Variants in ITGA2B observed in about 807,000 individuals in gnomAD.
The protein encoded by ITGA2B is integrin alpha-IIb.
A neutral mutation model predicts 142.0 loss-of-function variants in ITGA2B; 91 were observed. That is an observed-to-expected ratio of 0.64 (90% CI 0.54 to 0.76). The LOEUF is 0.76. ITGA2B is among the 30% of genes least tolerant of loss of function. The probability of loss-of-function intolerance (pLI) is 0.00; values close to 1 mark genes in which losing one functional copy is unlikely to be tolerated. For synonymous variants in ITGA2B, 536 were observed against 567.2 expected (o/e 0.94, Z 0.78); for missense variants, 1,231 against 1,350.8 (o/e 0.91, Z 1.39).
chr17:44,381,432 T>A (rs1437340125), intron 12 of ITGA2B, among the ~76,000 whole-genome samples: 2 of 151,334 alleles, frequency 1.3e-5, no homozygotes, highest in Non-Finnish European at 2.9e-5. Context: ...CCCGTTAAAG[T>A]GATTCTTGTG....
intron 3 of ITGA2B, 37 bp from the exon 4 acceptor site, chr17:44,385,753 A>G (rs1032034452): frequency 1.9e-5 from 31 of 1,613,202 alleles, no homozygotes; most frequent in Non-Finnish European, 2.6e-5. Context: ...CGGGCGCGAG[A>G]CTTGGGCTCC....
In ITGA2B at chr17:44,374,125, C is replaced by G. The variant is rs533838257; in HGVS notation, c.3060+229G>C. ...TTCACCATGTTGGCCAGGCTGGTCT[C>G]GAACTCTTGACCTCAGGTGATCTAA... On this transcript the variant is annotated intron_variant, in intron 29 of 29. Transcript: ENST00000262407. 38 of 530,544 alleles carry G rather than the reference C, an allele frequency of 7.2e-5. No individual in the cohort carries two copies. In the South Asian group the frequency reaches 7.4e-4, roughly 10 times the overall value. 32.9% of individuals were successfully genotyped at this position (530,544 alleles called of 1,614,324 possible).
At chr17:44,384,694 A>T in intron 7 of ITGA2B, 109 bp from the exon 8 acceptor site, 1 of 1,404,110 alleles carries the variant, frequency 7.1e-7, no homozygotes, top group Non-Finnish European at 1.0e-6. Context: ...TGCATTGTGC[A>T]GATGGAAAAA....
Position 44,383,600 on chromosome 17 carries a change from G to A in ITGA2B, c.1103C>T (p.Pro368Leu), listed in dbSNP as rs201917696. The A allele has an allele frequency of 1.9e-6, 3 of 1,610,064 alleles. No individual in the cohort carries two copies. The highest frequency in any genetic ancestry group is 2.5e-6 in the Non-Finnish European group (3 of 1,178,992). The change falls in exon 12 of 30, where the codon CCC becomes CTC. Residue 368 changes from proline (P) to leucine (L), a missense_variant. By Grantham distance (98) the Pro-to-Leu change is moderately conservative. Around this residue, in one of 3 missense-constraint regions of ITGA2B, gnomAD observed 908 missense variants for 1,021.1 expected, o/e 0.89. Coordinates refer to ENST00000262407, the MANE Select transcript of ITGA2B (RefSeq NM_000419.5). Reference protein sequence around the residue: ...RVYLFLQPRGPHALGAPSLLL... With the variant: ...RVYLFLQPRGLHALGAPSLLL... ...GAGGCTGGGGGCACCCAGCGCGTGG[G>A]GGCCTCGCGGCTGCAGGAACAAATA... is the stretch of plus-strand genomic sequence containing the variant.
intron 1 of ITGA2B, among the ~76,000 whole-genome samples, chr17:44,388,162 T>G (rs2048666294): frequency 6.6e-6 from 1 of 152,086 alleles, no homozygotes; most frequent in African/African-American, 2.4e-5. Flanking sequence ...GAGCCAAGAC[T>G]CTAATCTTGG....
chr17:44,383,648 T>A lies in ITGA2B; in HGVS notation c.1055A>T (p.Lys352Ile). ...ATACACACGCCCCACTTCGGCCAGT[T>A]TTCGGTCTGCCCGGCTCTCCATATA... ...PLYMESRADRKLAEVGRVYLF... is the reference protein window; with the variant it reads ...PLYMESRADRILAEVGRVYLF... The change falls in exon 12 of 30, where the codon AAA becomes ATA. Residue 352 changes from lysine to isoleucine, a missense_variant. Lys to Ile is a moderately radical substitution (Grantham distance 102). This residue lies in a region of ITGA2B where 908 missense variants were observed against 1,021.1 expected (regional missense o/e 0.89). Transcript: ENST00000262407. 1 of 1,599,584 alleles carries A rather than the reference T, an allele frequency of 6.3e-7. No homozygotes were observed. Among genetic ancestry groups the A allele is most frequent in the Non-Finnish European group, 8.5e-7 (1 of 1,173,298 alleles).
chr17:44,380,702 C>T (rs746101836), intron 13 of ITGA2B, 57 bp from the exon 14 acceptor site: 4 of 1,611,576 alleles, frequency 2.5e-6, no homozygotes, highest in Non-Finnish European at 3.4e-6. Context: ...ATCCTCATCT[C>T]ATCTTCCCAG....
intron 29 of ITGA2B, 132 bp from the exon 30 acceptor site, chr17:44,372,555 AT>A (rs2048506636): frequency 1.4e-6 from 1 of 703,742 alleles, no homozygotes; most frequent in African/African-American, 1.8e-5. Context: ...GTACTCACAA[AT>A]GGATGCCTTT....
rs2048519510 is a variant in ITGA2B at position 44,374,266 on chromosome 17, G to A, written c.3060+88C>T. On this transcript the variant is annotated intron_variant, in intron 29 of 29. Coordinates refer to ENST00000262407, the MANE Select transcript of ITGA2B (RefSeq NM_000419.5). ...TGGTCCCTGGATTACCCACTTGGGT[G>A]GGCCACCATCTCTCCTTGACTCCCT... 4 of 1,134,938 alleles carry A rather than the reference G, an allele frequency of 3.5e-6. No individual in the cohort carries two copies. The East Asian group carries it at 7.0e-5, about 20-fold the overall frequency. 70.3% of individuals were successfully genotyped at this position (1,134,938 alleles called of 1,614,324 possible). A position where few individuals can be genotyped will look rare whatever the true frequency, so the allele number is the denominator to read the frequency against.
In ITGA2B at chr17:44,380,153, G is replaced by A. The variant is rs1268718358; in HGVS notation, c.1601C>T (p.Ser534Phe). Residue 534 changes from serine (S) to phenylalanine (F), a missense_variant and splice_region_variant, in exon 17 of 30, where the codon TCC (serine) becomes TTC (phenylalanine). Around this residue, in one of 3 missense-constraint regions of ITGA2B, gnomAD observed 908 missense variants for 1,021.1 expected, o/e 0.89. Transcript: ENST00000262407. The stretch of plus-strand genomic sequence containing the variant: ...GTCCAGCTGCAGCTCGGCATTTAGG[G>A]CTGGCAGGGCAAGCAGAAGAGTCAG... ...ATGHNIPQKL[S>F]LNAELQLDRQ... 2 of 1,613,552 alleles carry A rather than the reference G, an allele frequency of 1.2e-6. No homozygotes were observed. The highest frequency in any genetic ancestry group is 1.3e-5 in the African/African-American group (1 of 74,856).
rs376817155 is a variant in ITGA2B, at chr17:44,389,334, C to T, written c.140G>A (p.Gly47Asp). ...VQLTFYAGPN[G>D]SQFGFSLDFH... is the part of the protein sequence containing the mutation. ...GTCCAGTGAAAATCCAAACTGGCTG[C>T]CATTGGGGCCTGCATAGAAGGTGAG... is the stretch of plus-strand genomic sequence containing the variant. The change falls in exon 1 of 30, where the codon GGC (glycine) becomes GAC (aspartate). Residue 47 changes from glycine to aspartate, a missense_variant. Coordinates refer to ENST00000262407, the MANE Select transcript of ITGA2B (RefSeq NM_000419.5). The T allele has an allele frequency of 6.2e-7, 1 of 1,614,196 alleles. No homozygotes were observed. Among genetic ancestry groups the T allele is most frequent in the African/African-American group, 1.3e-5 (1 of 75,042 alleles).
At chr17:44,374,147 C>T (rs2048518729) in intron 29 of ITGA2B, 1 of 598,102 alleles carries the variant, frequency 1.7e-6, no homozygotes, top group Admixed American at 2.5e-5. Context: ...CTCAGGTGAT[C>T]TAAACGCTTT....
chr17:44,379,651 G>T (rs757716307), intron 18 of ITGA2B, 38 bp downstream of exon 18: 18 of 1,613,490 alleles, frequency 1.1e-5, no homozygotes, highest in African/African-American at 1.3e-5. Context: ...GCTATCAGGG[G>T]TCCTGCACCT....
chr17:44,384,617 A>G (rs2048627561), intron 7 of ITGA2B, 32 bp from the exon 8 acceptor site: 3 of 1,612,756 alleles, frequency 1.9e-6, no homozygotes, highest in Non-Finnish European at 2.5e-6. Flanking sequence ...AGTCTTTTCC[A>G]GGGGAGGAAG....
Position 44,380,963 on chromosome 17 carries a change from C to G in ITGA2B, c.1309G>C (p.Val437Leu). 1 of 1,614,114 alleles carries G rather than the reference C, an allele frequency of 6.2e-7. No individual in the cohort carries two copies. The highest frequency in any genetic ancestry group is 8.5e-7 in the Non-Finnish European group (1 of 1,179,942). ...CCTGTGGGGAAGGGGCTGTCCAGGA[C>G]CTGGGAGGGACGTGACCTCAGCCCC... The part of the protein sequence containing the change: ...SEGLRSRPSQ[V>L]LDSPFPTGSA... Residue 437 changes from valine (V) to leucine (L), a missense_variant, in exon 13 of 30, where the codon GTC becomes CTC. Around this residue, in one of 3 missense-constraint regions of ITGA2B, gnomAD observed 908 missense variants for 1,021.1 expected, o/e 0.89. Coordinates refer to ENST00000262407, the MANE Select transcript of ITGA2B (RefSeq NM_000419.5).
At chr17:44,377,198 CT>C (rs373144079) in intron 21 of ITGA2B, 110 bp from the exon 22 acceptor site, 80,496 of 581,710 alleles carry the variant, frequency 0.14, no homozygotes, top group South Asian at 0.2. Flanking sequence ...TATTCTTTTT[CT>C]TTTTTTTTTT....
Position 44,374,355 on chromosome 17 carries a change from T to G in ITGA2B, c.3059A>C (p.Lys1020Thr). Residue 1020 changes from lysine to threonine, a missense_variant and splice_region_variant, in exon 29 of 30, where the codon AAG becomes ACG. Lys to Thr is a moderately conservative substitution (Grantham distance 78). This residue lies in a region of ITGA2B where 908 missense variants were observed against 1,021.1 expected (regional missense o/e 0.89). Transcript: ENST00000262407. ...LLTILVLAMW[K>T]VGFFKRNRPP... is the part of the protein sequence containing the mutation. ...ACTCCACCGTCCTTCACACCTCACC[T>G]TCCACATGGCCAGGACCAGGATGGT... 1.2e-6 allele frequency: 2 copies of G among 1,613,752 alleles called. No homozygotes were observed. Among genetic ancestry groups the G allele is most frequent in the Non-Finnish European group, 1.7e-6 (2 of 1,179,736 alleles).
chr17:44,389,515 C>A lies in ITGA2B; in HGVS notation c.-42G>T. 3 of 1,598,772 alleles carry A rather than the reference C, an allele frequency of 1.9e-6. No homozygotes were observed. Among genetic ancestry groups the A allele is most frequent in the Non-Finnish European group, 2.6e-6 (3 of 1,169,386 alleles). On this transcript the variant is annotated 5_prime_UTR_variant, in exon 1 of 30. The change creates a premature stop within an existing upstream ORF in the 5' untranslated region. Coordinates refer to ENST00000262407, the MANE Select transcript of ITGA2B (RefSeq NM_000419.5). Reference sequence around the variant, plus strand: ...CCTCCCAGGCAGGAATGGGCCAGCTCCTCCTCCTTCCCTTCAGATTCCTCC... The same window carrying A: ...CCTCCCAGGCAGGAATGGGCCAGCTACTCCTCCTTCCCTTCAGATTCCTCC...
At position 44,378,282 on chromosome 17, in the gene ITGA2B, C is replaced by A. The variant is rs527980644; in HGVS notation, c.2094+80G>T. Reference sequence around the variant, plus strand: ...ACAGCAAAGCAGAAGAGAAGAGGGACTCTCAGGGAGGGAGATGAGAGAGCC... The same window carrying A: ...ACAGCAAAGCAGAAGAGAAGAGGGAATCTCAGGGAGGGAGATGAGAGAGCC... On this transcript the variant is annotated intron_variant, in intron 20 of 29. Coordinates refer to ENST00000262407, the MANE Select transcript of ITGA2B (RefSeq NM_000419.5). The A allele has an allele frequency of 9.8e-4, 1,474 of 1,506,504 alleles. 2 individuals carry two copies. Among genetic ancestry groups the A allele is most frequent in the Non-Finnish European group, 1.2e-3 (1,347 of 1,124,698 alleles). The allele number at this position is 1,506,504 out of a possible 1,614,324, so 93.3% of individuals were successfully genotyped here. A position where few individuals can be genotyped will look rare whatever the true frequency, so the allele number is the denominator to read the frequency against.
Sources: gnomAD v4.1 joint callset for allele counts (sites outside exome capture counted in the v4.1 genomes callset) on GRCh38, gnomAD v4.1.1 for gene constraint, gnomAD v4.1.1 regional missense constraint, MANE v1.5 for transcripts, NCBI Gene and HGNC (gene_info 2026-07-23, HGNC 2026-07-21) for gene names.